The following THADA variants were observed in gnomAD, a reference collection of about 807,000 sequenced individuals.
THADA encodes the protein tRNA (32-2'-O)-methyltransferase regulator THADA.
THADA carries 213 observed loss-of-function variants against 219.8 expected under a neutral mutation model. That is an observed-to-expected ratio of 0.97 (90% CI 0.87 to 1.09). The LOEUF (loss-of-function observed/expected upper bound fraction) is 1.09. THADA is among the 50% of genes least tolerant of loss of function. The pLI is 0.00. For missense variants in THADA, 2,956 were observed against 2,311.3 expected (o/e 1.28, Z -5.72); for synonymous variants, 1,018 against 828.9 (o/e 1.23, Z -3.92).
intron 36 of THADA, among the ~76,000 whole-genome samples, chr2:43,264,067 C>T (rs1348728405): frequency 1.3e-5 from 2 of 152,126 alleles, no homozygotes; most frequent in Non-Finnish European, 2.9e-5. Flanking sequence ...TCTAGGCAAA[C>T]CTACCCTTAC....
chr2:43,231,745 G>T (rs1294714745), intron 37 of THADA, among the ~76,000 whole-genome samples: 1 of 152,154 alleles, frequency 6.6e-6, no homozygotes, highest in Non-Finnish European at 1.5e-5. Context: ...AGAGAGGAAG[G>T]AATCTCCAAA....
At chr2:43,468,505 G>T (rs1201913796) in intron 26 of THADA, among the ~76,000 whole-genome samples, 1 of 152,080 alleles carries the variant, frequency 6.6e-6, no homozygotes, top group Non-Finnish European at 1.5e-5. Flanking sequence ...GGTCAGTAAA[G>T]CTTTTAGTAA....
intron 1 of THADA, among the ~76,000 whole-genome samples, chr2:43,594,072 C>G (rs145449339): frequency 1.3e-5 from 2 of 152,148 alleles, no homozygotes; most frequent in East Asian, 3.8e-4. Context: ...TTTTCCAACA[C>G]CAGGAATATT....
At chr2:43,526,026 G>A (rs1310812266) in intron 22 of THADA, among the ~76,000 whole-genome samples, 7 of 152,128 alleles carry the variant, frequency 4.6e-5, no homozygotes, top group Admixed American at 4.6e-4. Flanking sequence ...TCAATCTCAT[G>A]TTTTAAATTT....
At chr2:43,369,910 C>G (rs1670603865) in intron 29 of THADA, among the ~76,000 whole-genome samples, 1 of 152,214 alleles carries the variant, frequency 6.6e-6, no homozygotes, top group African/African-American at 2.4e-5. Flanking sequence ...CTATGTGATT[C>G]TTGTACTCCA....
chr2:43,489,874 C>CAAAAAAGAAAAAAAAAAA, intron 25 of THADA, among the ~76,000 whole-genome samples: 1 of 56,088 alleles, frequency 1.8e-5, no homozygotes, highest in Non-Finnish European at 3.8e-5. Flanking sequence ...TTAAGATCTG[C>CAAAAAAGAAAAAAAAAAA]AAAAAAAAAA....
Position 43,574,852 on chromosome 2 carries a change from C to G in THADA, c.1213G>C (p.Asp405His), listed in dbSNP as rs1391638377. The change falls in exon 11 of 38, where the codon GAT (aspartate) becomes CAT (histidine). Residue 405 changes from aspartate to histidine, a missense_variant. Transcript: ENST00000405975. ...ATTTTGGTTTGGTGTCTCAGAGCATCCAATGGATGTTCCCAATGGGTATAG... is the reference window on the plus strand; with the variant it reads ...ATTTTGGTTTGGTGTCTCAGAGCATGCAATGGATGTTCCCAATGGGTATAG... The part of the protein sequence containing the change: ...YVYTHWEHPL[D>H]ALRHQTKIMF... The G allele has an allele frequency of 6.2e-7, 1 of 1,613,880 alleles. No individual in the cohort carries two copies. Among genetic ancestry groups the G allele is most frequent in the Admixed American group, 1.7e-5 (1 of 60,006 alleles).
At chr2:43,297,779 G>GGA (rs1675698489) in intron 31 of THADA, among the ~76,000 whole-genome samples, 1 of 123,930 alleles carries the variant, frequency 8.1e-6, no homozygotes, top group Non-Finnish European at 1.7e-5. Flanking sequence ...AGGTGGGGGG[G>GGA]TCGGCCCCCC....
intron 21 of THADA, among the ~76,000 whole-genome samples, chr2:43,539,234 A>G (rs1213043929): frequency 6.6e-6 from 1 of 152,182 alleles, no homozygotes; most frequent in African/African-American, 2.4e-5. Context: ...TAGTTTTACC[A>G]CTAGGCACAG....
At chr2:43,249,466 G>A (rs573488939) in intron 36 of THADA, among the ~76,000 whole-genome samples, 1 of 152,260 alleles carries the variant, frequency 6.6e-6, no homozygotes, top group South Asian at 2.1e-4. Flanking sequence ...TGTGGTCAGG[G>A]TGACCTGTCT....
chr2:43,566,702 TG>T lies in THADA; in HGVS notation c.2306del (p.Pro769GlnfsTer11). On this transcript the variant is annotated frameshift_variant, in exon 15 of 38. Transcript: ENST00000405975. LOFTEE classifies it high-confidence loss of function. The stretch of plus-strand genomic sequence containing the variant: ...CTAACATTATTAAACACTTACCTTC[TG>T]GGACATGAAAAACTTCAGCTATTGA... ...LGSIAEVFHVPEGRIYTVYQL... is the reference protein window; with the variant it reads ...LGSIAEVFHVXEGRIYTVYQL... The T allele has an allele frequency of 1.2e-6, 2 of 1,606,956 alleles. No homozygotes were observed. The highest frequency in any genetic ancestry group is 1.7e-5 in the Admixed American group (1 of 58,808).
chr2:43,394,313 C>G (rs990819913), intron 29 of THADA, among the ~76,000 whole-genome samples: 2 of 151,996 alleles, frequency 1.3e-5, no homozygotes, highest in African/African-American at 4.8e-5. Context: ...TTCCATAGTC[C>G]CAGAAAATTC....
intron 29 of THADA, among the ~76,000 whole-genome samples, chr2:43,370,924 T>C (rs574801644): frequency 6.6e-6 from 1 of 152,326 alleles, no homozygotes; most frequent in East Asian, 1.9e-4. Flanking sequence ...TTTCCAGTAA[T>C]CTTCACTGTG....
intron 27 of THADA, 111 bp from the exon 28 acceptor site, chr2:43,428,342 T>A: frequency 1.9e-6 from 2 of 1,038,796 alleles, no homozygotes; most frequent in Non-Finnish European, 2.7e-6. Flanking sequence ...GTGCGGTGAC[T>A]AATGCCTGTA....
chr2:43,362,689 T>C (rs376372164), intron 29 of THADA, among the ~76,000 whole-genome samples: 1 of 152,142 alleles, frequency 6.6e-6, no homozygotes, highest in Non-Finnish European at 1.5e-5. Context: ...TAAATGTATT[T>C]TAAAAATTTT....
chr2:43,518,415 G>C (rs918151332), intron 22 of THADA, among the ~76,000 whole-genome samples: 2 of 152,244 alleles, frequency 1.3e-5, no homozygotes, highest in Non-Finnish European at 2.9e-5. Context: ...CCACATACCA[G>C]GGTTATAGTA....
intron 30 of THADA, among the ~76,000 whole-genome samples, chr2:43,334,150 C>G (rs1489173440): frequency 6.6e-6 from 1 of 152,112 alleles, no homozygotes; most frequent in Non-Finnish European, 1.5e-5. Context: ...TTCAGGAGCA[C>G]ACCACTCAGC....
At chr2:43,373,665 T>C (rs934185451) in intron 29 of THADA, among the ~76,000 whole-genome samples, 10 of 152,040 alleles carry the variant, frequency 6.6e-5, no homozygotes, top group Admixed American at 5.2e-4. Flanking sequence ...TTAGTAGAGA[T>C]GGGGTTTCAC....
intron 36 of THADA, among the ~76,000 whole-genome samples, chr2:43,271,640 A>AG (rs1672134415): frequency 2.4e-5 from 3 of 126,646 alleles, no homozygotes; most frequent in African/African-American, 9.3e-5. Context: ...TTTTTGACAG[A>AG]GTTTCGTTCT....
Sources: gnomAD v4.1 joint callset for allele counts (sites outside exome capture counted in the v4.1 genomes callset) on GRCh38, gnomAD v4.1.1 for gene constraint, MANE v1.5 for transcripts, NCBI Gene and HGNC (gene_info 2026-07-23, HGNC 2026-07-21) for gene names.